NSA2: variants seen among roughly 807,000 people sequenced by gnomAD.
NSA2 encodes the protein ribosome biogenesis protein NSA2 homolog.
In NSA2, 18 loss-of-function variants were observed where a neutral mutation model predicts 34.8. The observed-to-expected ratio is 0.52, with a 90% CI of 0.36 to 0.77. The LOEUF (loss-of-function observed/expected upper bound fraction) is 0.77, where lower values mean the gene tolerates loss of function less well. NSA2 is among the 30% of genes least tolerant of loss of function. NSA2 has a pLI of 0.00. For synonymous variants in NSA2, 79 were observed against 100.2 expected (o/e 0.79, Z 1.26); for missense variants, 188 against 314.7 (o/e 0.60, Z 3.05).
At chr5:74,775,691 T>TA (rs11445878) in intron 5 of NSA2, among the ~76,000 whole-genome samples, 35,180 of 150,278 alleles carry the variant, frequency 0.23, 4,311 homozygotes, top group Middle Eastern at 0.31. Context: ...AAGTTATAAC[T>TA]AAAAAAAATT....
intron 3 of NSA2, chr5:74,769,572 A>G: frequency 2.4e-6 from 1 of 420,900 alleles, no homozygotes. Context: ...ATTTATTAGA[A>G]TGCCATATGA....
intron 4 of NSA2, among the ~76,000 whole-genome samples, chr5:74,773,033 C>T (rs1435259181): frequency 6.6e-6 from 1 of 152,192 alleles, no homozygotes; most frequent in Non-Finnish European, 1.5e-5. Context: ...TGACAGTCCA[C>T]TCCTTTTTTC....
At position 74,779,764 on chromosome 5, in the gene NSA2, A is replaced by G. The variant is rs1179957950; in HGVS notation, c.*3093A>G. On this transcript the variant is annotated 3_prime_UTR_variant, in exon 6 of 6. Transcript: ENST00000610426. ...GTAATACAATTGTTCAAAATCTAAC[A>G]CAAATAGGAGCGTTTACTATTTTTG... 3.3e-5 allele frequency: 5 copies of G among 152,324 alleles called. No individual in the cohort carries two copies. Among genetic ancestry groups the G allele is most frequent in the African/African-American group, 1.2e-4 (5 of 41,584 alleles). 9.4% of individuals were successfully genotyped at this position (152,324 alleles called of 1,614,324 possible).
intron 3 of NSA2, among the ~76,000 whole-genome samples, chr5:74,769,879 T>C (rs1744860585): frequency 6.6e-6 from 1 of 152,208 alleles, no homozygotes; most frequent in African/African-American, 2.4e-5. Context: ...TTTCATAGAA[T>C]TTGCACTCAA....
intron 1 of NSA2, 69 bp from the exon 2 acceptor site, chr5:74,768,862 A>G (rs1744814015): frequency 3.5e-6 from 4 of 1,155,220 alleles, no homozygotes; most frequent in Non-Finnish European, 4.8e-6. Flanking sequence ...GTGCTGTGTA[A>G]AAGAAAGCAT....
At chr5:74,769,395 G>A (rs1246605275) in intron 3 of NSA2, 31 bp downstream of exon 3, 6 of 1,544,236 alleles carry the variant, frequency 3.9e-6, no homozygotes, top group Non-Finnish European at 5.2e-6. Flanking sequence ...TCTTTGTTTT[G>A]TTTAGGAGAA....
intron 1 of NSA2, 147 bp from the exon 2 acceptor site, chr5:74,768,784 C>T: frequency 1.7e-6 from 1 of 596,002 alleles, no homozygotes. Flanking sequence ...TAACTTACAT[C>T]ATGTGAATAA....
intron 5 of NSA2, among the ~76,000 whole-genome samples, chr5:74,774,623 T>G (rs1745052127): frequency 6.6e-6 from 1 of 152,036 alleles, no homozygotes; most frequent in Non-Finnish European, 1.5e-5. Context: ...TTTTTTAACC[T>G]TTTTAATAAA....
chr5:74,767,443 G>A (rs79669494), intron 1 of NSA2, 80 bp downstream of exon 1: 1 of 1,558,700 alleles, frequency 6.4e-7, no homozygotes, highest in Admixed American at 1.7e-5. Context: ...GCTGGGGTAG[G>A]GGGTGAGCGG....
In NSA2 at chr5:74,773,347, A is replaced by G. The variant is rs527594650; in HGVS notation, c.523-521A>G. ...CTATTACAGGGTGAAAAAAAAAAAA[A>G]CTTTTCAGAGGCTAGCTGTGGTGGC... On this transcript the variant is annotated intron_variant, in intron 4 of 5. Coordinates refer to ENST00000610426, the MANE Select transcript of NSA2 (RefSeq NM_014886.6). Among the ~76,000 whole-genome samples, 252 of 151,398 alleles carry G rather than the reference A, an allele frequency of 1.7e-3. 2 individuals carry two copies. The highest frequency in any genetic ancestry group is 0.014 in the Middle Eastern group (4 of 292).
chr5:74,776,895 A>C lies in NSA2; in HGVS notation c.*224A>C. 1 of 361,610 alleles carries C rather than the reference A, an allele frequency of 2.8e-6. No individual in the cohort carries two copies. The highest frequency in any genetic ancestry group is 5.0e-6 in the Non-Finnish European group (1 of 198,664). 22.4% of individuals were successfully genotyped at this position (361,610 alleles called of 1,614,324 possible). On this transcript the variant is annotated 3_prime_UTR_variant, in exon 6 of 6. Transcript: ENST00000610426. ...ATGATTGAAAAAAAGCAAATATACA[A>C]ATATCCTACTTCATCAATATCTGCA... is the stretch of plus-strand genomic sequence containing the variant.
At position 74,767,297 on chromosome 5, in the gene NSA2, A is replaced by T; in HGVS notation, c.-64A>T. 1 of 1,609,010 alleles carries T rather than the reference A, an allele frequency of 6.2e-7. No individual in the cohort carries two copies. The highest frequency in any genetic ancestry group is 8.5e-7 in the Non-Finnish European group (1 of 1,176,146). On this transcript the variant is annotated 5_prime_UTR_variant, in exon 1 of 6. Coordinates refer to ENST00000610426, the MANE Select transcript of NSA2 (RefSeq NM_014886.6). ...TGGTGTGGGCTTGTGGGTCTTTGAG[A>T]CCCGAAAATTGAGAGCGTTTTCGCA...
chr5:74,768,316 A>T (rs1463430352), intron 1 of NSA2, among the ~76,000 whole-genome samples: 1 of 152,188 alleles, frequency 6.6e-6, no homozygotes, highest in East Asian at 1.9e-4. Flanking sequence ...ACCTGCAGCA[A>T]ATTGGGTGAA....
At chr5:74,775,328 C>G (rs1745075160) in intron 5 of NSA2, among the ~76,000 whole-genome samples, 1 of 151,938 alleles carries the variant, frequency 6.6e-6, no homozygotes, top group South Asian at 2.1e-4. Context: ...AAAAAGCCCC[C>G]TCGCTATCTG....
intron 5 of NSA2, among the ~76,000 whole-genome samples, chr5:74,775,620 A>C (rs1745085235): frequency 6.6e-6 from 1 of 152,110 alleles, no homozygotes; most frequent in East Asian, 1.9e-4. Context: ...AAAAATAAGT[A>C]AAATAAAAAT....
intron 5 of NSA2, among the ~76,000 whole-genome samples, chr5:74,774,861 A>T (rs1224148892): frequency 1.3e-5 from 2 of 152,224 alleles, no homozygotes; most frequent in Non-Finnish European, 2.9e-5. Context: ...ACATGCTAAC[A>T]TTAAGAGAAA....
Position 74,773,980 on chromosome 5 carries a change from G to A in NSA2, c.635G>A (p.Gly212Asp), listed in dbSNP as rs1745029619. The A allele has an allele frequency of 1.2e-6, 2 of 1,613,936 alleles. No homozygotes were observed. Among genetic ancestry groups the A allele is most frequent in the African/African-American group, 1.3e-5 (1 of 75,038 alleles). Residue 212 changes from glycine to aspartate, a missense_variant, in exon 5 of 6, where the codon GGT (glycine) becomes GAT (aspartate). Transcript: ENST00000610426. ...NPSSPLYTTL[G>D]VITKGTVIEV... The stretch of plus-strand genomic sequence containing the variant: ...TCATCCCCACTGTATACAACTTTGG[G>A]TGTTATTACCAAAGGTACTGTCATT...
Position 74,777,583 on chromosome 5 carries a change from ATTGT to A in NSA2, c.*915_*918del, listed in dbSNP as rs900030553. ...ATCTATAATCACCACATTGTTTTAA[ATTGT>A]TTATTTTTTTTTTAAAGAAGTCTGT... On this transcript the variant is annotated 3_prime_UTR_variant, in exon 6 of 6. Coordinates refer to ENST00000610426, the MANE Select transcript of NSA2 (RefSeq NM_014886.6). 5.4e-5 allele frequency: 8 copies of A among 147,620 alleles called. No individual in the cohort carries two copies. Among genetic ancestry groups the A allele is most frequent in the Admixed American group, 1.3e-4 (2 of 14,948 alleles). 9.1% of individuals were successfully genotyped at this position (147,620 alleles called of 1,614,324 possible).
intron 4 of NSA2, among the ~76,000 whole-genome samples, chr5:74,771,179 C>T (rs1233402274): frequency 6.6e-6 from 1 of 151,652 alleles, no homozygotes; most frequent in Non-Finnish European, 1.5e-5. Context: ...ACTAGGGAGG[C>T]TGAGGCAGGA....
Sources: gnomAD v4.1 joint callset for allele counts (sites outside exome capture counted in the v4.1 genomes callset) on GRCh38, gnomAD v4.1.1 for gene constraint, MANE v1.5 for transcripts, NCBI Gene and HGNC (gene_info 2026-07-23, HGNC 2026-07-21) for gene names.